The following CACNA1C variants were observed in gnomAD, a reference collection of about 807,000 sequenced individuals.
CACNA1C encodes calcium voltage-gated channel subunit alpha1 C, also known as voltage-dependent L-type calcium channel subunit alpha-1C.
In CACNA1C, 30 loss-of-function variants were observed where a neutral mutation model predicts 229.0. The ratio of observed to expected loss-of-function variants is 0.13; its 90% CI spans 0.10 to 0.18. The LOEUF (loss-of-function observed/expected upper bound fraction) is 0.18, where lower values mean the gene tolerates loss of function less well. Ranked by LOEUF, CACNA1C falls within the 10% of genes least tolerant of loss-of-function variation. CACNA1C has a pLI of 1.00. For missense variants in CACNA1C, 1,658 were observed against 2,845.0 expected, an observed-to-expected ratio of 0.58 and a Z score of 9.49; for synonymous variants, 1,114 against 1,132.5, an observed-to-expected ratio of 0.98 and a Z score of 0.33.
At position 2,504,674 on chromosome 12, in the gene CACNA1C, C is replaced by A; in HGVS notation, c.1114-168C>A. 1.3e-6 allele frequency: 1 copy of A among 762,922 alleles called. No homozygotes were observed. The highest frequency in any genetic ancestry group is 2.3e-6 in the Non-Finnish European group (1 of 430,178). The allele number at this position is 762,922 out of a possible 1,614,324, so 47.3% of individuals were successfully genotyped here. Reference sequence around the variant, plus strand: ...AAACCACAACAAAGCCTCTGTTCAACCACAGATTCTGACCCATTGGCCAGG... The same window carrying A: ...AAACCACAACAAAGCCTCTGTTCAAACACAGATTCTGACCCATTGGCCAGG... On this transcript the variant is annotated intron_variant, in intron 7 of 46. Coordinates refer to ENST00000399655, the MANE Select transcript of CACNA1C (RefSeq NM_000719.7). The surrounding 1 kb of genome is among the most constrained non-coding windows in gnomAD (Gnocchi z 6.8).
chr12:2,127,964 T>C (rs1195937643), intron 3 of CACNA1C, among the ~76,000 whole-genome samples: 6 of 152,244 alleles, frequency 3.9e-5, no homozygotes, highest in Admixed American at 6.5e-5. Flanking sequence ...AATTATGCTT[T>C]CTATTTATTT....
rs146920353 is a variant in CACNA1C at position 2,449,621 on chromosome 12, G to C, written c.617+506G>C. Among the ~76,000 whole-genome samples, 134 of 152,342 alleles carry C rather than the reference G, an allele frequency of 8.8e-4. 1 individual carries two copies. The East Asian group carries it at 0.016, about 19-fold the overall frequency. The stretch of plus-strand genomic sequence containing the variant: ...CACTTTGAATTCAGACTTCCCCAGA[G>C]GGACAGGGGCTATGACCCAAGAGCA... On this transcript the variant is annotated intron_variant, in intron 4 of 46. Coordinates refer to ENST00000399655, the MANE Select transcript of CACNA1C (RefSeq NM_000719.7).
At chr12:2,527,142 T>C (rs920904609) in intron 9 of CACNA1C, among the ~76,000 whole-genome samples, 1 of 152,230 alleles carries the variant, frequency 6.6e-6, no homozygotes, top group African/African-American at 2.4e-5. Context: ...CCCTAAATCA[T>C]GTTCTAAAAC....
chr12:2,352,815 A>C (rs1187896177), intron 3 of CACNA1C, among the ~76,000 whole-genome samples: 1 of 152,146 alleles, frequency 6.6e-6, no homozygotes, highest in Non-Finnish European at 1.5e-5. Flanking sequence ...CTTTGTTGTG[A>C]TATAGGATCT....
chr12:2,121,990 C>T (rs1387949825), intron 3 of CACNA1C, among the ~76,000 whole-genome samples: 2 of 152,260 alleles, frequency 1.3e-5, no homozygotes, highest in Admixed American at 6.5e-5. Context: ...CCACATGTAG[C>T]CCCTTCACCC....
rs1273043110 is a variant in CACNA1C at position 2,606,720 on chromosome 12, A to G, written c.3209+57A>G. The stretch of plus-strand genomic sequence containing the variant: ...CGGCCGGTCAGCCCCAGGAGGCTGG[A>G]GGCTTGACCAGAAAGGAGGGACAGC... On this transcript the variant is annotated intron_variant, in intron 25 of 46. Coordinates refer to ENST00000399655, the MANE Select transcript of CACNA1C (RefSeq NM_000719.7). 3.4e-6 allele frequency: 5 copies of G among 1,464,590 alleles called. No homozygotes were observed. The East Asian group carries it at 1.2e-4, about 34-fold the overall frequency. 90.7% of individuals were successfully genotyped at this position (1,464,590 alleles called of 1,614,324 possible).
intron 3 of CACNA1C, among the ~76,000 whole-genome samples, chr12:2,147,116 G>A (rs2154201690): frequency 6.6e-6 from 1 of 151,394 alleles, no homozygotes; most frequent in Non-Finnish European, 1.5e-5. Flanking sequence ...ATAAATTCAG[G>A]GCTTAAGGGA....
At chr12:2,060,155 C>T (rs578200907) in intron 1 of CACNA1C, among the ~76,000 whole-genome samples, 1 of 152,300 alleles carries the variant, frequency 6.6e-6, no homozygotes, top group Non-Finnish European at 1.5e-5. Flanking sequence ...TTGCTCACTT[C>T]CTCTCGGCCC....
chr12:2,552,532 G>T (rs566673854), intron 10 of CACNA1C, among the ~76,000 whole-genome samples: 2 of 152,252 alleles, frequency 1.3e-5, no homozygotes, highest in East Asian at 3.9e-4. Context: ...TCACTGAAGG[G>T]CATTCAGAAC....
chr12:2,106,801 T>C (rs368177309), intron 1 of CACNA1C, among the ~76,000 whole-genome samples: 586 of 66,336 alleles, frequency 8.8e-3, no homozygotes, highest in Non-Finnish European at 9.4e-3. Context: ...CACTGGGTGC[T>C]CACCCCGGGG....
chr12:2,455,055 C>T (rs1237922278), intron 4 of CACNA1C, among the ~76,000 whole-genome samples: 1 of 152,152 alleles, frequency 6.6e-6, no homozygotes, highest in Non-Finnish European at 1.5e-5. Context: ...CCTTTCTGTG[C>T]ACCCATCCCC....
At chr12:2,267,695 G>A (rs1011133543) in intron 3 of CACNA1C, among the ~76,000 whole-genome samples, 2 of 152,214 alleles carry the variant, frequency 1.3e-5, no homozygotes, top group South Asian at 4.1e-4. Flanking sequence ...CTTCATCCCA[G>A]AGTAGGATGC....
intron 3 of CACNA1C, among the ~76,000 whole-genome samples, chr12:2,228,266 G>A (rs149445708): frequency 1.3e-5 from 2 of 152,168 alleles, no homozygotes; most frequent in South Asian, 4.1e-4. Flanking sequence ...TGCATACTGT[G>A]TATTAGGCCC....
intron 3 of CACNA1C, among the ~76,000 whole-genome samples, chr12:2,325,298 A>G (rs1157610818): frequency 2.0e-5 from 3 of 152,192 alleles, no homozygotes; most frequent in African/African-American, 4.8e-5. Context: ...AAATTATCCA[A>G]GAAACTCTCT....
chr12:2,326,947 C>T (rs1170197915), intron 3 of CACNA1C, among the ~76,000 whole-genome samples: 3 of 152,216 alleles, frequency 2.0e-5, no homozygotes, highest in African/African-American at 7.2e-5. Context: ...TGAACATTCT[C>T]TCTATAGTGC....
At chr12:2,142,893 T>C (rs2094388143) in intron 3 of CACNA1C, among the ~76,000 whole-genome samples, 1 of 151,126 alleles carries the variant, frequency 6.6e-6, no homozygotes, top group Admixed American at 6.7e-5. Context: ...GTCAAAAAGT[T>C]AAAAAAAATT....
intron 3 of CACNA1C, among the ~76,000 whole-genome samples, chr12:2,170,802 C>T (rs574715796): frequency 3.3e-5 from 5 of 152,342 alleles, no homozygotes; most frequent in Non-Finnish European, 4.4e-5. Flanking sequence ...TACCACAATA[C>T]GCATTAGAGG....
chr12:2,013,130 A>G (rs1026115431), intron 1 of CACNA1C, among the ~76,000 whole-genome samples: 2 of 152,196 alleles, frequency 1.3e-5, no homozygotes, highest in African/African-American at 2.4e-5. Context: ...ACCCGTCTCA[A>G]TCTCCCTCTA....
intron 7 of CACNA1C, among the ~76,000 whole-genome samples, chr12:2,501,249 ATTTAGAGG>A (rs2099759583): frequency 1.4e-5 from 2 of 144,456 alleles, no homozygotes; most frequent in African/African-American, 5.3e-5. Flanking sequence ...AGCAATACTC[ATTTAGAGG>A]AAAAGAAAGG....
Sources: allele counts gnomAD v4.1 joint callset (sites outside exome capture counted in the v4.1 genomes callset), GRCh38; gene constraint gnomAD v4.1.1; non-coding constraint Gnocchi (gnomAD v3.1); transcripts MANE v1.5; gene names NCBI Gene and HGNC (gene_info 2026-07-23, HGNC 2026-07-21).